The following MEGF11 variants were observed in gnomAD, a reference collection of about 807,000 sequenced individuals.
MEGF11 encodes the protein multiple EGF like domains 11.
Under a neutral mutation model 146.6 loss-of-function variants are expected in MEGF11, and 126 were observed. The ratio of observed to expected loss-of-function variants is 0.86; its 90% confidence interval spans 0.74 to 1.00. The LOEUF (loss-of-function observed/expected upper bound fraction) is 1.00. Among genes scored for constraint, MEGF11 ranks in the 50% least tolerant of loss-of-function variants. The probability of loss-of-function intolerance (pLI) is 0.00; values close to 1 mark genes in which losing one functional copy is unlikely to be tolerated. For synonymous variants in MEGF11, 532 were observed against 583.4 expected (o/e 0.91, Z 1.27); for missense variants, 1,509 against 1,521.2 (o/e 0.99, Z 0.13).
chr15:66,179,739 G>A (rs112733729), intron 1 of MEGF11, among the ~76,000 whole-genome samples: 2,228 of 152,070 alleles, frequency 0.015, 42 homozygotes, highest in African/African-American at 0.05. Context: ...TTAAAGCCAC[G>A]TGGATACTTA....
rs535690401 is a variant in MEGF11 at position 66,005,870 on chromosome 15, G to A, written c.395-23382C>T. ...CATGTACACGCAGTGAAGAGTAGCC[G>A]GGCTCAAGTGCAACTTACCCACTGA... On this transcript the variant is annotated intron_variant, in intron 5 of 25. Coordinates refer to ENST00000395614, the MANE Select transcript of MEGF11 (RefSeq NM_001385028.1). Among the ~76,000 whole-genome samples the A allele has an allele frequency of 2.9e-3, 437 of 152,230 alleles. 2 individuals carry two copies. Among genetic ancestry groups the A allele is most frequent in the African/African-American group, 1.0e-2 (414 of 41,538 alleles).
chr15:66,043,553 G>T (rs1311305084), intron 5 of MEGF11, among the ~76,000 whole-genome samples: 1 of 152,252 alleles, frequency 6.6e-6, no homozygotes, highest in Non-Finnish European at 1.5e-5. Context: ...ATTTGAGAAG[G>T]CTTTATCAGC....
At chr15:66,090,680 A>G (rs1270393118) in intron 5 of MEGF11, among the ~76,000 whole-genome samples, 1 of 152,246 alleles carries the variant, frequency 6.6e-6, no homozygotes, top group Non-Finnish European at 1.5e-5. Context: ...GGCCTATGAC[A>G]GTGAAGAATC....
At chr15:66,103,501 G>A (rs955228537) in intron 4 of MEGF11, among the ~76,000 whole-genome samples, 2 of 152,180 alleles carry the variant, frequency 1.3e-5, no homozygotes, top group African/African-American at 2.4e-5. Context: ...GAGGCCTAGC[G>A]TATAGTTTGT....
chr15:66,041,468 C>T (rs561565133), intron 5 of MEGF11, among the ~76,000 whole-genome samples: 32 of 152,386 alleles, frequency 2.1e-4, no homozygotes, highest in African/African-American at 7.5e-4. Context: ...CAACTGCCCC[C>T]ATGCACGGAG....
At chr15:65,916,782 C>A in intron 17 of MEGF11, 46 bp downstream of exon 17, 1 of 1,602,248 alleles carries the variant, frequency 6.2e-7, no homozygotes, top group Non-Finnish European at 8.5e-7. Context: ...CAGTAGGCCG[C>A]AGCATGGTAT....
At chr15:65,899,008 G>C in intron 24 of MEGF11, 74 bp from the exon 25 acceptor site, 1 of 1,468,584 alleles carries the variant, frequency 6.8e-7, no homozygotes, top group African/African-American at 1.4e-5. Flanking sequence ...GCAGACTGCA[G>C]TTGAGTTTAT....
At chr15:66,231,562 A>G (rs1451593397) in intron 1 of MEGF11, among the ~76,000 whole-genome samples, 2 of 152,106 alleles carry the variant, frequency 1.3e-5, no homozygotes, top group Non-Finnish European at 2.9e-5. Flanking sequence ...TGAGCACTCT[A>G]CAGAAACAGA....
chr15:66,174,221 C>T (rs961498429), intron 1 of MEGF11, among the ~76,000 whole-genome samples: 5 of 152,216 alleles, frequency 3.3e-5, no homozygotes, highest in African/African-American at 7.2e-5. Flanking sequence ...ATGGAATAGG[C>T]TATCACCCAG....
intron 21 of MEGF11, among the ~76,000 whole-genome samples, chr15:65,910,488 A>G (rs2078767096): frequency 6.6e-6 from 1 of 152,040 alleles, no homozygotes; most frequent in Non-Finnish European, 1.5e-5. Flanking sequence ...TTTCCATGTC[A>G]TCACAGCTGC....
chr15:66,119,016 C>T, intron 4 of MEGF11, 70 bp downstream of exon 4: 1 of 1,046,438 alleles, frequency 9.6e-7, no homozygotes, highest in East Asian at 2.6e-5. Context: ...CCCCACCTCC[C>T]CTCCCCTCCC....
In MEGF11 at chr15:65,971,551, T is replaced by C. The variant is rs180784594; in HGVS notation, c.763-862A>G. ...GAAGGTGGGGGTGGAACTCTCCTGC[T>C]GCTCTCTTCCCTGCTGCGCTCCTAA... On this transcript the variant is annotated intron_variant, in intron 7 of 25. Transcript: ENST00000395614. Among the ~76,000 whole-genome samples the C allele has an allele frequency of 3.8e-3, 572 of 152,316 alleles. 4 individuals are homozygous for C. The highest frequency in any genetic ancestry group is 0.013 in the African/African-American group (547 of 41,558).
chr15:66,041,679 C>T (rs1440217894), intron 5 of MEGF11, among the ~76,000 whole-genome samples: 6 of 152,166 alleles, frequency 3.9e-5, no homozygotes, highest in Non-Finnish European at 8.8e-5. Context: ...GCGACAGAAA[C>T]CTTGTATGTG....
Position 65,897,285 on chromosome 15 carries a change from CTG to C in MEGF11, c.*647_*648del, listed in dbSNP as rs1411692594. 1.3e-5 allele frequency: 2 copies of C among 152,188 alleles called. No individual in the cohort carries two copies. The highest frequency in any genetic ancestry group is 2.9e-5 in the Non-Finnish European group (2 of 68,042). The allele number at this position is 152,188 out of a possible 1,614,324, so 9.4% of individuals were successfully genotyped here. On this transcript the variant is annotated 3_prime_UTR_variant, in exon 26 of 26. Coordinates refer to ENST00000395614, the MANE Select transcript of MEGF11 (RefSeq NM_001385028.1). Reference sequence around the variant, plus strand: ...ACTTTGGAAACGTGTGTGTGTGTCTCTGTGTGTTTAAACCTATCACTTAGGGG... The same window carrying C: ...ACTTTGGAAACGTGTGTGTGTGTCTCTGTGTTTAAACCTATCACTTAGGGG...
At chr15:66,129,420 C>T (rs2088548108) in intron 1 of MEGF11, among the ~76,000 whole-genome samples, 1 of 152,244 alleles carries the variant, frequency 6.6e-6, no homozygotes, top group Admixed American at 6.5e-5. Flanking sequence ...AAAGACAGAA[C>T]TATTTTTCAT....
chr15:65,979,194 C>G (rs569234618), intron 7 of MEGF11, among the ~76,000 whole-genome samples: 1 of 152,252 alleles, frequency 6.6e-6, no homozygotes, highest in East Asian at 1.9e-4. Flanking sequence ...GCCTCAGAAC[C>G]ATCTGGGGAG....
At chr15:66,178,084 A>G (rs1424690063) in intron 1 of MEGF11, among the ~76,000 whole-genome samples, 1 of 152,058 alleles carries the variant, frequency 6.6e-6, no homozygotes. Context: ...CCCCACCGCC[A>G]CTTTGCTCAA....
At chr15:65,978,142 A>G (rs528419881) in intron 7 of MEGF11, among the ~76,000 whole-genome samples, 1 of 152,288 alleles carries the variant, frequency 6.6e-6, no homozygotes, top group African/African-American at 2.4e-5. Flanking sequence ...GGGGAGGTGC[A>G]TGGTGTGAAT....
At position 65,916,156 on chromosome 15, in the gene MEGF11, C is replaced by A. The variant is rs2078990310; in HGVS notation, c.2336G>T (p.Cys779Phe). Reference protein sequence around the residue: ...TCRTGFTGQHCEQRCAPGTFG... With the variant: ...TCRTGFTGQHFEQRCAPGTFG... ...GGGTCAGGGCAGCTTACTCTGCTCA[C>A]AGTGTTGCCCGGTGAAGCCTGTGCG... Residue 779 changes from cysteine to phenylalanine, a missense_variant, in exon 18 of 26, where the codon TGT becomes TTT. Cys to Phe is a radical substitution (Grantham distance 205, BLOSUM62 -2). Coordinates refer to ENST00000395614, the MANE Select transcript of MEGF11 (RefSeq NM_001385028.1). The A allele has an allele frequency of 6.3e-7, 1 of 1,589,882 alleles. No individual in the cohort carries two copies. Among genetic ancestry groups the A allele is most frequent in the Non-Finnish European group, 8.6e-7 (1 of 1,167,566 alleles).
Sources: allele counts gnomAD v4.1 joint callset (sites outside exome capture counted in the v4.1 genomes callset), GRCh38; gene constraint gnomAD v4.1.1; transcripts MANE v1.5; gene names NCBI Gene and HGNC (gene_info 2026-07-23, HGNC 2026-07-21).